INSL6: variants seen among roughly 807,000 people sequenced by gnomAD.
The protein encoded by INSL6 is insulin like 6, also known as insulin-like peptide INSL6.
In INSL6, 16 loss-of-function variants were observed where a neutral mutation model predicts 9.4. The ratio of observed to expected loss-of-function variants is 1.70; its 90% CI spans 1.15 to 2.59. INSL6 has a LOEUF of 2.59. INSL6 is among the 30% of genes most tolerant of loss of function. The pLI is 0.00. For synonymous variants in INSL6, 154 were observed against 96.9 expected, an observed-to-expected ratio of 1.59 and a Z score of -3.46; for missense variants, 391 against 257.3, an observed-to-expected ratio of 1.52 and a Z score of -3.56.
At chr9:5,042,276 T>A in the INSL6 span, among the ~76,000 whole-genome samples, 2 of 151,770 alleles carry the variant, frequency 1.3e-5, no homozygotes, top group Admixed American at 1.3e-4. Flanking sequence ...TAGCTGGGAC[T>A]ACAGGCGCCC....
chr9:5,041,233 C>A, the INSL6 span: 1 of 1,467,642 alleles, frequency 6.8e-7, no homozygotes, highest in Non-Finnish European at 9.4e-7. Context: ...GCCCGGGGAC[C>A]AAGCGGCAGC....
At position 5,185,547 on chromosome 9, in the gene INSL6, A is replaced by T. The variant is rs202140762; in HGVS notation, c.56T>A (p.Phe19Tyr). 164 of 1,613,972 alleles carry T rather than the reference A, an allele frequency of 1.0e-4. No homozygotes were observed. The highest frequency in any genetic ancestry group is 2.0e-4 in the Admixed American group (12 of 60,004). The change falls in exon 1 of 2, where the codon TTT becomes TAT. Residue 19 changes from phenylalanine to tyrosine, a missense_variant. Physicochemically the swap from Phe to Tyr is conservative, Grantham distance 22 (BLOSUM62 3). Transcript: ENST00000381641. The stretch of plus-strand genomic sequence containing the variant: ...GCTGATGTCGCTCAGTTCACGAGAA[A>T]ACCGAACCAGCAGGAGTCCAAGCCA... Reference protein sequence around the residue: ...LLWLGLLLVRFSRELSDISSA... With the variant: ...LLWLGLLLVRYSRELSDISSA...
chr9:5,155,817 T>C (rs1387264145), intron 2 of INSL6, among the ~76,000 whole-genome samples: 4 of 151,860 alleles, frequency 2.6e-5, no homozygotes, highest in Non-Finnish European at 5.9e-5. Flanking sequence ...ATACCTAATA[T>C]AGATGATGGG....
chr9:5,163,809 C>T, downstream of INSL6: 2 of 748,232 alleles, frequency 2.7e-6, no homozygotes, highest in Non-Finnish European at 2.2e-6. Context: ...CAAGTACATT[C>T]AGACATTTTT....
At chr9:5,039,355 A>G in the INSL6 span, among the ~76,000 whole-genome samples, 68 of 152,280 alleles carry the variant, frequency 4.5e-4, no homozygotes, top group African/African-American at 1.5e-3. Context: ...AGAATACGGT[A>G]TAACAACTAT....
chr9:5,082,165 C>T, the INSL6 span, among the ~76,000 whole-genome samples: 1 of 152,162 alleles, frequency 6.6e-6, no homozygotes, highest in Non-Finnish European at 1.5e-5. Flanking sequence ...CAGTGCTCAG[C>T]ATATGGAGGA....
At chr9:5,153,181 A>G (rs1335508242) in intron 2 of INSL6, among the ~76,000 whole-genome samples, 1 of 151,446 alleles carries the variant, frequency 6.6e-6, no homozygotes, top group Non-Finnish European at 1.5e-5. Context: ...CTGGAATGTC[A>G]GTGAGACAGA....
chr9:5,043,970 G>A, the INSL6 span, among the ~76,000 whole-genome samples: 1 of 152,160 alleles, frequency 6.6e-6, no homozygotes, highest in Non-Finnish European at 1.5e-5. Flanking sequence ...CTCAATAAAG[G>A]TGTTACTAAA....
At chr9:5,054,660 C>T in the INSL6 span, 6 of 1,613,032 alleles carry the variant, frequency 3.7e-6, no homozygotes, top group African/African-American at 1.3e-5. This position sits in a 1 kb window ranked among gnomAD's most constrained non-coding sequence, Gnocchi z 4.9. Context: ...CAGATTTATT[C>T]AGCAATTCAG....
chr9:5,003,196 A>G, the INSL6 span, among the ~76,000 whole-genome samples: 34 of 152,024 alleles, frequency 2.2e-4, no homozygotes, highest in Admixed American at 1.7e-3. Context: ...TGTTTTGGCT[A>G]TTGTAAATCC....
chr9:5,110,845 G>A, the INSL6 span: 2 of 469,870 alleles, frequency 4.3e-6, 1 homozygote, highest in Admixed American at 5.1e-5. Context: ...GGAAGGTGGG[G>A]GGGACGCTTC....
the INSL6 span, chr9:5,064,984 A>G: frequency 5.0e-6 from 8 of 1,611,002 alleles, no homozygotes; most frequent in Non-Finnish European, 6.8e-6. Flanking sequence ...TCTGTAAAGA[A>G]GTAGCACCTC....
the INSL6 span, among the ~76,000 whole-genome samples, chr9:5,059,578 C>CTAGAGATAGGAT: frequency 6.6e-6 from 1 of 151,864 alleles, no homozygotes; most frequent in African/African-American, 2.4e-5. Context: ...TATATATATC[C>CTAGAGATAGGAT]TAGAGATAGG....
At chr9:5,055,533 G>A in the INSL6 span, 41 of 629,904 alleles carry the variant, frequency 6.5e-5, no homozygotes, top group Non-Finnish European at 7.5e-5. Context: ...AGTAAATCAC[G>A]TTTAATGCTT....
At chr9:5,169,626 C>T (rs1199812085) in intron 1 of INSL6, among the ~76,000 whole-genome samples, 1 of 152,182 alleles carries the variant, frequency 6.6e-6, no homozygotes, top group African/African-American at 2.4e-5. Context: ...TCAAGAGACT[C>T]ATCTCACATG....
chr9:5,015,984 A>G, the INSL6 span, among the ~76,000 whole-genome samples: 4 of 152,236 alleles, frequency 2.6e-5, no homozygotes, highest in Admixed American at 6.5e-5. Flanking sequence ...GTTAAAGCCT[A>G]TGCTATGCTT....
chr9:5,094,466 G>T, the INSL6 span: 1 of 151,958 alleles, frequency 6.6e-6, no homozygotes, highest in Non-Finnish European at 1.5e-5. Context: ...GTACTGATCG[G>T]CACACTACGA....
At chr9:5,164,834 A>G (rs554772025) in intron 1 of INSL6, among the ~76,000 whole-genome samples, 9 of 152,344 alleles carry the variant, frequency 5.9e-5, no homozygotes, top group East Asian at 1.9e-4. Context: ...TAGTTTTCCA[A>G]TGTGTGGATA....
chr9:5,031,431 CATAAT>C, the INSL6 span, among the ~76,000 whole-genome samples: 1 of 152,064 alleles, frequency 6.6e-6, no homozygotes, highest in African/African-American at 2.4e-5. Context: ...CATATAGAAA[CATAAT>C]AATATGAAGA....
Sources: gnomAD v4.1 joint callset for allele counts (sites outside exome capture counted in the v4.1 genomes callset) on GRCh38, gnomAD v4.1.1 for gene constraint, Gnocchi (gnomAD v3.1) non-coding constraint, MANE v1.5 for transcripts, NCBI Gene and HGNC (gene_info 2026-07-23, HGNC 2026-07-21) for gene names.